The following WDR35 variants were observed in gnomAD, a reference collection of about 807,000 sequenced individuals.
WDR35 encodes WD repeat-containing protein 35.
A neutral mutation model predicts 158.3 loss-of-function variants in WDR35; 118 were observed. The observed-to-expected ratio is 0.75, with a 90% CI of 0.64 to 0.87. The LOEUF (loss-of-function observed/expected upper bound fraction) is 0.87. Ranked by LOEUF, WDR35 falls within the 40% of genes least tolerant of loss-of-function variation. The pLI is 0.00. For missense variants in WDR35, 1,263 were observed against 1,405.8 expected (o/e 0.90, Z 1.62); for synonymous variants, 448 against 476.1 (o/e 0.94, Z 0.77).
chr2:19,960,533 T>C (rs1002399876), intron 11 of WDR35, 21 bp downstream of exon 11: 1 of 1,578,446 alleles, frequency 6.3e-7, no homozygotes, highest in Non-Finnish European at 8.7e-7. Context: ...GGAAAAGAAA[T>C]AAATATCAAC....
At chr2:19,959,713 C>G (rs905900037) in intron 11 of WDR35, among the ~76,000 whole-genome samples, 1 of 151,468 alleles carries the variant, frequency 6.6e-6, no homozygotes, top group South Asian at 2.1e-4. Context: ...AGGCAACAGG[C>G]ATTAATACTT....
chr2:19,946,413 G>T, intron 15 of WDR35, 48 bp downstream of exon 15: 1 of 1,450,366 alleles, frequency 6.9e-7, no homozygotes, highest in South Asian at 1.1e-5. Context: ...AATCCCAACT[G>T]ATCATTTCTA....
chr2:19,986,181 T>C lies in WDR35; in HGVS notation c.142+2984A>G, dbSNP rs1233956357. ...AGCAAATGAGTGAAATGGAGATATT[T>C]GCTGAAATGGAGAGAATTGAAAGAG... On this transcript the variant is annotated intron_variant, in intron 2 of 26. Transcript: ENST00000281405. 2.0e-5 allele frequency among the ~76,000 whole-genome samples: 3 copies of C among 152,294 alleles called. No homozygotes were observed. In the East Asian group the frequency reaches 5.8e-4, roughly 29 times the overall value.
Position 19,938,353 on chromosome 2 carries a change from A to G in WDR35, c.1975T>C (p.Ser659Pro). 1.2e-6 allele frequency: 2 copies of G among 1,614,080 alleles called. No individual in the cohort carries two copies. The highest frequency in any genetic ancestry group is 1.7e-6 in the Non-Finnish European group (2 of 1,180,000). The part of the protein sequence containing the change: ...KDYLINFEIR[S>P]LRDSRALIEK... ...ATCAGTGCTCGGCTATCTCGCAGAG[A>G]CCGAATCTCAAAGTTAATTAGGTAA... Residue 659 changes from serine (S) to proline (P), a missense_variant, in exon 18 of 27, where the codon TCT becomes CCT. Physicochemically the swap from Ser to Pro is moderately conservative, Grantham distance 74 (BLOSUM62 -1). Coordinates refer to ENST00000281405, the MANE Select transcript of WDR35 (RefSeq NM_020779.4).
chr2:19,959,493 T>C (rs577753191), intron 11 of WDR35, among the ~76,000 whole-genome samples: 66 of 152,130 alleles, frequency 4.3e-4, no homozygotes, highest in Non-Finnish European at 6.8e-4. Context: ...TATAAATATA[T>C]ACACATATAA....
chr2:19,944,290 A>G (rs566012128), intron 16 of WDR35, among the ~76,000 whole-genome samples: 98 of 152,268 alleles, frequency 6.4e-4, no homozygotes, highest in African/African-American at 2.1e-3. Flanking sequence ...ACAAATTCAA[A>G]TTAAAAAACA....
intron 12 of WDR35, among the ~76,000 whole-genome samples, chr2:19,952,616 T>C (rs1394716052): frequency 6.6e-6 from 1 of 152,176 alleles, no homozygotes; most frequent in Non-Finnish European, 1.5e-5. Flanking sequence ...CTGCTTATTA[T>C]TGCTACCACG....
intron 11 of WDR35, among the ~76,000 whole-genome samples, chr2:19,958,375 GCAC>G (rs1671516475): frequency 6.6e-6 from 1 of 151,494 alleles, no homozygotes; most frequent in South Asian, 2.1e-4. Context: ...ATGTCCTTAT[GCAC>G]CAATAACCAT....
At chr2:19,926,560 A>C (rs1364232995) in intron 25 of WDR35, among the ~76,000 whole-genome samples, 1 of 152,242 alleles carries the variant, frequency 6.6e-6, no homozygotes, top group Non-Finnish European at 1.5e-5. Context: ...AACTGATGAC[A>C]AAAACAAAAA....
chr2:19,942,887 T>C (rs1670922049), intron 16 of WDR35, among the ~76,000 whole-genome samples: 1 of 152,022 alleles, frequency 6.6e-6, no homozygotes, highest in Non-Finnish European at 1.5e-5. Context: ...ATTCTTTTTA[T>C]CAAAAAAGTA....
intron 5 of WDR35, among the ~76,000 whole-genome samples, chr2:19,977,921 C>T (rs1011993950): frequency 6.6e-6 from 1 of 152,188 alleles, no homozygotes; most frequent in African/African-American, 2.4e-5. Flanking sequence ...ACACACCAAC[C>T]TACCTTGTGG....
chr2:19,945,760 T>C (rs1380681973), intron 16 of WDR35, 26 bp downstream of exon 16: 2 of 1,612,772 alleles, frequency 1.2e-6, no homozygotes, highest in South Asian at 2.2e-5. Context: ...ATTTATAGAC[T>C]GTTAACACTC....
At chr2:19,933,787 G>A (rs1316366490) in intron 21 of WDR35, among the ~76,000 whole-genome samples, 1 of 152,152 alleles carries the variant, frequency 6.6e-6, no homozygotes, top group African/African-American at 2.4e-5. Flanking sequence ...TCAGTAGCTA[G>A]TATACAGAAA....
intron 22 of WDR35, among the ~76,000 whole-genome samples, chr2:19,932,765 T>A (rs769120391): frequency 1.3e-5 from 2 of 152,180 alleles, no homozygotes; most frequent in Non-Finnish European, 2.9e-5. Flanking sequence ...GTTTATATGT[T>A]ATAGTAAAAC....
At chr2:19,988,095 G>A (rs905697616) in intron 2 of WDR35, among the ~76,000 whole-genome samples, 2 of 152,088 alleles carry the variant, frequency 1.3e-5, no homozygotes, top group African/African-American at 4.8e-5. Flanking sequence ...ACTTGAATGT[G>A]AGACAAACTT....
chr2:19,948,531 T>C (rs955475120), intron 13 of WDR35, among the ~76,000 whole-genome samples: 2 of 151,926 alleles, frequency 1.3e-5, no homozygotes, highest in Non-Finnish European at 2.9e-5. Flanking sequence ...GTACCTAACT[T>C]ACACCAAGAC....
At chr2:19,957,321 AGGT>A (rs943949704) in intron 11 of WDR35, among the ~76,000 whole-genome samples, 49 of 152,340 alleles carry the variant, frequency 3.2e-4, no homozygotes, top group Middle Eastern at 3.4e-3. Flanking sequence ...TGAATCAGTA[AGGT>A]GGTAATTTCA....
intron 25 of WDR35, among the ~76,000 whole-genome samples, chr2:19,925,914 C>T (rs1203949643): frequency 1.3e-5 from 2 of 152,186 alleles, no homozygotes; most frequent in Non-Finnish European, 2.9e-5. Context: ...ATTGTTAAGC[C>T]TCTAGAACCT....
At chr2:19,927,341 G>A (rs1670387292) in intron 25 of WDR35, among the ~76,000 whole-genome samples, 1 of 152,192 alleles carries the variant, frequency 6.6e-6, no homozygotes, top group Non-Finnish European at 1.5e-5. Flanking sequence ...GAACGTACTT[G>A]TTTAGGAAGA....
Sources: gnomAD v4.1 joint callset for allele counts (sites outside exome capture counted in the v4.1 genomes callset) on GRCh38, gnomAD v4.1.1 for gene constraint, MANE v1.5 for transcripts, NCBI Gene and HGNC (gene_info 2026-07-23, HGNC 2026-07-21) for gene names.